The following XRCC4 variants were observed in gnomAD, a reference collection of about 807,000 sequenced individuals.
The protein encoded by XRCC4 is DNA repair protein XRCC4.
XRCC4 carries 28 observed loss-of-function variants against 39.1 expected under a neutral mutation model. That is an observed-to-expected ratio of 0.72 (90% CI 0.53 to 0.98). The LOEUF (loss-of-function observed/expected upper bound fraction) is 0.98, where lower values mean the gene tolerates loss of function less well. Ranked by LOEUF, XRCC4 falls within the 50% of genes least tolerant of loss-of-function variation. The probability of loss-of-function intolerance (pLI) is 0.00; values close to 1 mark genes in which losing one functional copy is unlikely to be tolerated. For missense variants in XRCC4, 350 were observed against 376.4 expected, an observed-to-expected ratio of 0.93 and a Z score of 0.58; for synonymous variants, 123 against 126.4, an observed-to-expected ratio of 0.97 and a Z score of 0.18.
chr5:83,238,120 G>A (rs1238771138), intron 6 of XRCC4, among the ~76,000 whole-genome samples: 1 of 152,076 alleles, frequency 6.6e-6, no homozygotes, highest in African/African-American at 2.4e-5. Flanking sequence ...ACTCTATCAT[G>A]CCCAGCTTCT....
At chr5:83,315,632 A>G (rs1755852547) in intron 7 of XRCC4, among the ~76,000 whole-genome samples, 1 of 152,130 alleles carries the variant, frequency 6.6e-6, no homozygotes. Flanking sequence ...ATTAAGCTAA[A>G]TCTATGCTGC....
chr5:83,279,041 A>G (rs568273866), intron 7 of XRCC4, among the ~76,000 whole-genome samples: 13 of 145,952 alleles, frequency 8.9e-5, no homozygotes, highest in Non-Finnish European at 1.1e-4. Context: ...ATTTTATAAT[A>G]TATTATATAT....
rs1453088200 is a variant in XRCC4 at position 83,104,944 on chromosome 5, C to CAGTAT, written c.26_27insGTATA (p.His9GlnfsTer10). On this transcript the variant is annotated frameshift_variant, in exon 2 of 8. Transcript: ENST00000396027. LOFTEE classifies it high-confidence loss of function. ...AATGGAGAGAAAAATAAGCAGAATCCACCTTGTTTCTGAACCCAGTATAAC... is the reference window on the plus strand; with the variant it reads ...AATGGAGAGAAAAATAAGCAGAATCCAGTATACCTTGTTTCTGAACCCAGTATAAC... 1 of 1,612,994 alleles carries CAGTAT rather than the reference C, an allele frequency of 6.2e-7. No individual in the cohort carries two copies. Among genetic ancestry groups the CAGTAT allele is most frequent in the Non-Finnish European group, 8.5e-7 (1 of 1,179,436 alleles).
At chr5:83,094,094 CTT>C in intron 1 of XRCC4, among the ~76,000 whole-genome samples, 1 of 152,232 alleles carries the variant, frequency 6.6e-6, no homozygotes, top group Non-Finnish European at 1.5e-5. Flanking sequence ...GTCAACTCCT[CTT>C]TGGTTTGAAT....
intron 1 of XRCC4, among the ~76,000 whole-genome samples, chr5:83,096,324 G>A (rs953836660): frequency 6.6e-5 from 10 of 152,118 alleles, no homozygotes; most frequent in African/African-American, 2.2e-4. Flanking sequence ...GATGAGGGGG[G>A]CTGGAGCTGA....
At chr5:83,138,137 TG>T (rs1747989667) in intron 3 of XRCC4, among the ~76,000 whole-genome samples, 1 of 152,152 alleles carries the variant, frequency 6.6e-6, no homozygotes, top group Admixed American at 6.5e-5. Context: ...ATGATGCCAT[TG>T]GGGTGATGTT....
chr5:83,211,875 A>G (rs1196073269), intron 6 of XRCC4, among the ~76,000 whole-genome samples: 1 of 152,240 alleles, frequency 6.6e-6, no homozygotes, highest in East Asian at 1.9e-4. Flanking sequence ...AGCAAACTTC[A>G]GAAGGAAAAT....
rs535749912 is a variant in XRCC4, at chr5:83,095,313, G to T, written c.-10-9597G>T. Among the ~76,000 whole-genome samples the T allele has an allele frequency of 2.2e-3, 338 of 152,260 alleles. 1 individual carries two copies. Among genetic ancestry groups the T allele is most frequent in the South Asian group, 3.9e-3 (19 of 4,826 alleles). On this transcript the variant is annotated intron_variant, in intron 1 of 7. Coordinates refer to ENST00000396027, the MANE Select transcript of XRCC4 (RefSeq NM_003401.5). The stretch of plus-strand genomic sequence containing the variant: ...TCCTCTGATCAGCCTTGGCCACAGG[G>T]TGTATTCCTTTATTTGAGTTCAGCA...
intron 7 of XRCC4, among the ~76,000 whole-genome samples, chr5:83,346,503 A>C (rs1403283694): frequency 6.6e-6 from 1 of 152,224 alleles, no homozygotes; most frequent in Non-Finnish European, 1.5e-5. Flanking sequence ...CTTTGTGAAC[A>C]AATTATGTCA....
rs575385847 is a variant in XRCC4, at chr5:83,097,378, G to A, written c.-10-7532G>A. ...TTTTTTTTTTTCCTCAGACTAAGTTGCTCAGTCCTATCACTTGTCATCTTG... is the reference window on the plus strand; with the variant it reads ...TTTTTTTTTTTCCTCAGACTAAGTTACTCAGTCCTATCACTTGTCATCTTG... On this transcript the variant is annotated intron_variant, in intron 1 of 7. Transcript: ENST00000396027. Among the ~76,000 whole-genome samples the A allele has an allele frequency of 5.4e-5, 8 of 148,652 alleles. No homozygotes were observed. In the East Asian group the frequency reaches 1.6e-3, roughly 29 times the overall value.
At chr5:83,343,196 C>T (rs935267324) in intron 7 of XRCC4, among the ~76,000 whole-genome samples, 1 of 151,974 alleles carries the variant, frequency 6.6e-6, no homozygotes, top group South Asian at 2.1e-4. Context: ...TTACCCTCGT[C>T]GTCATCGGTG....
chr5:83,202,917 C>T (rs1751268717), intron 4 of XRCC4, among the ~76,000 whole-genome samples: 1 of 152,096 alleles, frequency 6.6e-6, no homozygotes, highest in Non-Finnish European at 1.5e-5. Context: ...TATGTTTTGT[C>T]TTACGTATCT....
At chr5:83,365,273 T>A in the XRCC4 span, among the ~76,000 whole-genome samples, 2 of 152,170 alleles carry the variant, frequency 1.3e-5, no homozygotes, top group African/African-American at 4.8e-5. Context: ...TCTGGGTAAC[T>A]TCTGGAGGGT....
At chr5:83,182,904 G>A (rs1750266458) in intron 3 of XRCC4, among the ~76,000 whole-genome samples, 2 of 152,128 alleles carry the variant, frequency 1.3e-5, no homozygotes, top group African/African-American at 4.8e-5. Flanking sequence ...CTAGAACTGT[G>A]AGCAGTTAAG....
chr5:83,114,548 T>A (rs1477480690), intron 3 of XRCC4, among the ~76,000 whole-genome samples: 3 of 152,242 alleles, frequency 2.0e-5, no homozygotes. Flanking sequence ...AAGTTCCTCA[T>A]GTCCATCTGA....
At chr5:83,210,409 TGCTTTGGAAATCTAGACTGTATA>T (rs1751596400) in intron 6 of XRCC4, among the ~76,000 whole-genome samples, 1 of 152,202 alleles carries the variant, frequency 6.6e-6, no homozygotes, top group South Asian at 2.1e-4. Flanking sequence ...TAACGTTATA[TGCTTTGGAAATCTAGACTGTATA>T]GTTCTAGATC....
chr5:83,314,695 C>A (rs942312973), intron 7 of XRCC4, among the ~76,000 whole-genome samples: 2 of 152,064 alleles, frequency 1.3e-5, no homozygotes, highest in Admixed American at 1.3e-4. Context: ...TTATGGTTAT[C>A]TGTGATCAGT....
chr5:83,265,398 C>T (rs752628661), intron 7 of XRCC4, among the ~76,000 whole-genome samples: 4 of 152,180 alleles, frequency 2.6e-5, no homozygotes, highest in East Asian at 3.9e-4. Context: ...GGTTTTAAAA[C>T]GAGATAGGTT....
intron 6 of XRCC4, among the ~76,000 whole-genome samples, chr5:83,233,733 C>CA (rs200461475): frequency 0.032 from 3,144 of 98,442 alleles, 41 homozygotes; most frequent in Middle Eastern, 0.06. Flanking sequence ...ACTAAAAATG[C>CA]AAAAAAAAAA....
Sources: allele counts gnomAD v4.1 joint callset (sites outside exome capture counted in the v4.1 genomes callset), GRCh38; gene constraint gnomAD v4.1.1; transcripts MANE v1.5; gene names NCBI Gene and HGNC (gene_info 2026-07-23, HGNC 2026-07-21).